The following CDH12 variants were observed in gnomAD, a reference collection of about 807,000 sequenced individuals.
The protein encoded by CDH12 is cadherin-12.
A neutral mutation model predicts 74.1 loss-of-function variants in CDH12; 41 were observed. The observed-to-expected ratio is 0.55, with a 90% CI of 0.43 to 0.72. The LOEUF (loss-of-function observed/expected upper bound fraction) is 0.72. CDH12 is among the 30% of genes least tolerant of loss of function. CDH12 has a pLI of 0.00. For missense variants in CDH12, 945 were observed against 977.2 expected, an observed-to-expected ratio of 0.97 and a Z score of 0.44; for synonymous variants, 399 against 355.0, an observed-to-expected ratio of 1.12 and a Z score of -1.39.
intron 3 of CDH12, among the ~76,000 whole-genome samples, chr5:22,320,521 G>A (rs3112469): frequency 0.56 from 85,130 of 151,886 alleles, 24,095 homozygotes; most frequent in South Asian, 0.76. Context: ...ATAAAAATAT[G>A]TAGGATATTT....
intron 2 of CDH12, among the ~76,000 whole-genome samples, chr5:22,476,878 C>T (rs1263019007): frequency 1.3e-5 from 2 of 152,088 alleles, no homozygotes; most frequent in African/African-American, 4.8e-5. Flanking sequence ...GTCCCAATCA[C>T]ACATCTTTTA....
At chr5:21,945,584 TAA>T (rs1380873952) in intron 6 of CDH12, among the ~76,000 whole-genome samples, 3 of 151,520 alleles carry the variant, frequency 2.0e-5, no homozygotes, top group Admixed American at 6.6e-5. Flanking sequence ...AATAATGACA[TAA>T]GTTATAAAAA....
chr5:22,761,371 T>C (rs1746218934), intron 1 of CDH12, among the ~76,000 whole-genome samples: 1 of 152,164 alleles, frequency 6.6e-6, no homozygotes, highest in South Asian at 2.1e-4. Context: ...TTATTTCGGC[T>C]AAGAACGGAA....
At chr5:22,523,734 C>A (rs1737148547) in intron 1 of CDH12, among the ~76,000 whole-genome samples, 1 of 152,104 alleles carries the variant, frequency 6.6e-6, no homozygotes, top group Admixed American at 6.5e-5. Context: ...ATTCTCTCTT[C>A]TTCAAACATT....
At chr5:22,328,811 A>G (rs1218684564) in intron 3 of CDH12, among the ~76,000 whole-genome samples, 1 of 152,224 alleles carries the variant, frequency 6.6e-6, no homozygotes, top group Non-Finnish European at 1.5e-5. Flanking sequence ...TTGAGATCAG[A>G]TCTGTCATGG....
intron 9 of CDH12, among the ~76,000 whole-genome samples, chr5:21,807,718 A>T (rs957698467): frequency 6.6e-6 from 1 of 152,054 alleles, no homozygotes; most frequent in African/African-American, 2.4e-5. Context: ...GAATTCTAAG[A>T]TGCTCCCAAT....
At chr5:22,403,779 A>G (rs1742827319) in intron 3 of CDH12, among the ~76,000 whole-genome samples, 1 of 152,172 alleles carries the variant, frequency 6.6e-6, no homozygotes, top group Non-Finnish European at 1.5e-5. Context: ...AATGTGTTGC[A>G]GTAGTAAGAC....
intron 3 of CDH12, chr5:22,278,100 A>G (rs1736721277): frequency 6.6e-6 from 1 of 152,234 alleles, no homozygotes; most frequent in African/African-American, 2.4e-5. Flanking sequence ...TTTAACTGCC[A>G]AATGGGAAAT....
intron 4 of CDH12, among the ~76,000 whole-genome samples, chr5:22,182,079 AAT>A (rs2150338444): frequency 6.6e-6 from 1 of 152,118 alleles, no homozygotes; most frequent in Non-Finnish European, 1.5e-5. Context: ...GTTTTCTTTG[AAT>A]TTAGAATAAA....
chr5:21,811,510 C>CA (rs200498842), intron 9 of CDH12, among the ~76,000 whole-genome samples: 4,019 of 151,042 alleles, frequency 0.027, 71 homozygotes, highest in Middle Eastern at 0.041. Flanking sequence ...TATTCAGTAG[C>CA]AAAAAAAACA....
intron 1 of CDH12, among the ~76,000 whole-genome samples, chr5:22,827,759 G>A (rs1183639697): frequency 6.6e-6 from 1 of 152,180 alleles, no homozygotes; most frequent in African/African-American, 2.4e-5. Context: ...TTTTAAGACT[G>A]TAAAGAAGTA....
At chr5:22,373,086 C>T (rs1055185941) in intron 3 of CDH12, among the ~76,000 whole-genome samples, 7 of 152,124 alleles carry the variant, frequency 4.6e-5, no homozygotes, top group African/African-American at 1.7e-4. Flanking sequence ...CACCTGAATG[C>T]ACCATAACAA....
At chr5:22,754,344 G>A (rs757260317) in intron 1 of CDH12, among the ~76,000 whole-genome samples, 1 of 152,150 alleles carries the variant, frequency 6.6e-6, no homozygotes, top group East Asian at 1.9e-4. Flanking sequence ...AACAACCCTA[G>A]ACACTGTCTT....
intron 4 of CDH12, among the ~76,000 whole-genome samples, chr5:22,147,164 A>C (rs753856961): frequency 6.6e-6 from 1 of 152,106 alleles, no homozygotes; most frequent in African/African-American, 2.4e-5. Flanking sequence ...CTTTGCTTTC[A>C]TCAAAGACAT....
Position 22,051,293 on chromosome 5 carries a change from T to C in CDH12, c.231+27153A>G, listed in dbSNP as rs190939990. 2.0e-3 allele frequency among the ~76,000 whole-genome samples: 311 copies of C among 152,258 alleles called. 4 individuals are homozygous for C. The highest frequency in any genetic ancestry group is 6.9e-3 in the African/African-American group (286 of 41,568). ...AATAATTAAGAGATGTCGTTATTGC[T>C]TTTTTATATGGTAAAGTCAATTCTA... On this transcript the variant is annotated intron_variant, in intron 5 of 14. Transcript: ENST00000382254.
chr5:22,727,190 C>T (rs1290344553), intron 1 of CDH12, among the ~76,000 whole-genome samples: 4 of 151,758 alleles, frequency 2.6e-5, no homozygotes, highest in African/African-American at 9.7e-5. Flanking sequence ...AGCCAATTAA[C>T]AGGAGCTTGA....
chr5:22,021,655 T>C (rs1264759548), intron 5 of CDH12, among the ~76,000 whole-genome samples: 1 of 152,230 alleles, frequency 6.6e-6, no homozygotes, highest in Non-Finnish European at 1.5e-5. Context: ...TATTAAATAC[T>C]TTATTATAAA....
Position 22,736,558 on chromosome 5 carries a change from G to GTT in CDH12, c.-523+116498_-523+116499dup, listed in dbSNP as rs142148882. 4.7e-5 allele frequency among the ~76,000 whole-genome samples: 7 copies of GTT among 149,282 alleles called. No homozygotes were observed. In the South Asian group the frequency reaches 1.5e-3, roughly 32 times the overall value. On this transcript the variant is annotated intron_variant, in intron 1 of 14. Coordinates refer to ENST00000382254, the MANE Select transcript of CDH12 (RefSeq NM_004061.5). ...AAGTATGTTGTCTGTTAGAGTCAGC[G>GTT]TTTTTTTTTACTTGAAAATTTATTT...
chr5:21,940,023 C>T (rs1755260170), intron 6 of CDH12, among the ~76,000 whole-genome samples: 1 of 151,968 alleles, frequency 6.6e-6, no homozygotes, highest in Admixed American at 6.6e-5. Flanking sequence ...GAGTTTTAGA[C>T]CAGGCTGGCC....
Sources: allele counts gnomAD v4.1 joint callset (sites outside exome capture counted in the v4.1 genomes callset), GRCh38; gene constraint gnomAD v4.1.1; transcripts MANE v1.5; gene names NCBI Gene and HGNC (gene_info 2026-07-23, HGNC 2026-07-21).